Variants in PECR observed in about 807,000 individuals in gnomAD.
The protein encoded by PECR is peroxisomal trans-2-enoyl-CoA reductase.
Under a neutral mutation model 35.3 loss-of-function variants are expected in PECR, and 30 were observed. The observed-to-expected ratio is 0.85, with a 90% CI of 0.64 to 1.15. The LOEUF (loss-of-function observed/expected upper bound fraction) is 1.15. PECR is among the 50% of genes most tolerant of loss of function. The pLI, the probability that PECR is intolerant of heterozygous loss-of-function variation, is 0.00. For synonymous variants in PECR, 148 were observed against 138.9 expected, an observed-to-expected ratio of 1.07 and a Z score of -0.46; for missense variants, 392 against 370.8, an observed-to-expected ratio of 1.06 and a Z score of -0.47.
At chr2:216,036,466 T>A (rs1310126869), downstream of PECR, among the ~76,000 whole-genome samples, 1 of 152,228 alleles carries the variant, frequency 6.6e-6, no homozygotes, top group African/African-American at 2.4e-5. Flanking sequence ...CTATGACTGA[T>A]GCTGGAACTG....
At chr2:216,049,088 C>T (rs1574682799) in intron 6 of PECR, among the ~76,000 whole-genome samples, 175 bp downstream of exon 6, 1 of 152,302 alleles carries the variant, frequency 6.6e-6, no homozygotes, top group East Asian at 1.9e-4. Context: ...GTACAGATTG[C>T]TGTCAGTAGC....
intron 1 of PECR, among the ~76,000 whole-genome samples, chr2:216,073,027 G>A (rs752835795): frequency 1.3e-5 from 2 of 152,174 alleles, no homozygotes; most frequent in Non-Finnish European, 2.9e-5. Context: ...ACTAAAAATG[G>A]TAACAACTTT....
intron 4 of PECR, among the ~76,000 whole-genome samples, chr2:216,055,445 A>T (rs1386678254): frequency 7.1e-6 from 1 of 140,158 alleles, no homozygotes; most frequent in East Asian, 1.9e-4. Flanking sequence ...CTCAAAAAAA[A>T]AAAACAAAAA....
intron 6 of PECR, among the ~76,000 whole-genome samples, chr2:216,046,397 G>A (rs951003731): frequency 3.5e-5 from 5 of 144,350 alleles, no homozygotes; most frequent in East Asian, 2.0e-4. Flanking sequence ...TGCAACCTCC[G>A]TGTCCCGGGT....
In PECR at chr2:216,048,067, C is replaced by CTTTAT. The variant is rs531502433; in HGVS notation, c.714+1191_714+1195dup. On this transcript the variant is annotated intron_variant, in intron 6 of 7. Transcript: ENST00000265322. The stretch of plus-strand genomic sequence containing the variant: ...TGTGGGAAAGACATCCTTTTCTTTT[C>CTTTAT]TTTATTTTATTTTATTTTATTTTTT... Among the ~76,000 whole-genome samples, 756 of 145,396 alleles carry CTTTAT rather than the reference C, an allele frequency of 5.2e-3. 6 individuals are homozygous for CTTTAT. Among genetic ancestry groups the CTTTAT allele is most frequent in the Non-Finnish European group, 6.9e-3 (457 of 66,228 alleles).
At chr2:216,030,574 C>T (rs978243196) in intron 7 of PECR, among the ~76,000 whole-genome samples, 5 of 151,730 alleles carry the variant, frequency 3.3e-5, no homozygotes, top group African/African-American at 9.7e-5. Context: ...GACGGGGTCT[C>T]GCCCTGTCAC....
rs563994051 is a variant in PECR at position 216,066,411 on chromosome 2, G to C, written c.232C>G (p.Gln78Glu). ...TCCTCCTCATTCCGGATGTTGCATT[G>C]TATGGGAATGACTCGTGCCTGCTTT... is the stretch of plus-strand genomic sequence containing the variant. ...PTKQARVIPI[Q>E]CNIRNEEEVN... The change falls in exon 2 of 8, where the codon CAA becomes GAA. Residue 78 changes from glutamine to glutamate, a missense_variant. Gln to Glu is a conservative substitution (Grantham distance 29). Coordinates refer to ENST00000265322, the MANE Select transcript of PECR (RefSeq NM_018441.6). 1 of 1,613,184 alleles carries C rather than the reference G, an allele frequency of 6.2e-7. No individual in the cohort carries two copies. Among genetic ancestry groups the C allele is most frequent in the East Asian group, 2.2e-5 (1 of 44,888 alleles).
intron 3 of PECR, among the ~76,000 whole-genome samples, chr2:216,064,677 C>T (rs1695427885): frequency 6.6e-6 from 1 of 152,164 alleles, no homozygotes; most frequent in South Asian, 2.1e-4. Flanking sequence ...GAGGTTGATT[C>T]TGCTAGTTAG....
chr2:216,062,517 G>A (rs1027275615), intron 3 of PECR, among the ~76,000 whole-genome samples: 1 of 152,082 alleles, frequency 6.6e-6, no homozygotes, highest in Non-Finnish European at 1.5e-5. Context: ...ATTTATATGT[G>A]GATTTTCTTC....
At chr2:216,039,905 G>C (rs1694857937) in intron 7 of PECR, among the ~76,000 whole-genome samples, 1 of 152,176 alleles carries the variant, frequency 6.6e-6, no homozygotes, top group Non-Finnish European at 1.5e-5. Context: ...GGTTGGAAAT[G>C]GACATTTGCA....
intron 1 of PECR, among the ~76,000 whole-genome samples, chr2:216,067,184 T>G (rs1478145636): frequency 1.3e-5 from 2 of 152,012 alleles, no homozygotes; most frequent in Non-Finnish European, 2.9e-5. Context: ...GGCAGTGAGA[T>G]TGCCCAGGGG....
At chr2:216,076,783 A>G (rs908644502) in intron 1 of PECR, among the ~76,000 whole-genome samples, 5 of 151,994 alleles carry the variant, frequency 3.3e-5, no homozygotes, top group African/African-American at 1.2e-4. Context: ...CTGGGCAACA[A>G]AGCAAGATTC....
chr2:216,065,342 G>C lies in PECR; in HGVS notation c.394C>G (p.Leu132Val), dbSNP rs750227644. ...KGWHAVLETN[L>V]TGTFYMCKAV... Reference sequence around the variant, plus strand: ...TTGCACATGTAGAAGGTACCCGTCAGGTTGGTCTCAAGCACAGCGTGCCAT... The same window carrying C: ...TTGCACATGTAGAAGGTACCCGTCACGTTGGTCTCAAGCACAGCGTGCCAT... The change falls in exon 3 of 8, where the codon CTG (leucine) becomes GTG (valine). Residue 132 changes from leucine (L) to valine (V), a missense_variant. Transcript: ENST00000265322. The C allele has an allele frequency of 1.2e-6, 2 of 1,612,202 alleles. No homozygotes were observed. Among genetic ancestry groups the C allele is most frequent in the Admixed American group, 3.3e-5 (2 of 60,016 alleles).
At chr2:216,045,988 C>T (rs532597644) in intron 6 of PECR, among the ~76,000 whole-genome samples, 1 of 152,108 alleles carries the variant, frequency 6.6e-6, no homozygotes, top group Admixed American at 6.5e-5. Context: ...ACCAGCATGG[C>T]CAGCTTAGTG....
At chr2:216,078,239 G>T (rs1695751608) in intron 1 of PECR, among the ~76,000 whole-genome samples, 1 of 152,144 alleles carries the variant, frequency 6.6e-6, no homozygotes, top group South Asian at 2.1e-4. Context: ...CCGAGTTCAA[G>T]ACCAGCCTGG....
At chr2:216,066,940 A>C (rs1695479709) in intron 1 of PECR, among the ~76,000 whole-genome samples, 1 of 152,140 alleles carries the variant, frequency 6.6e-6, no homozygotes, top group African/African-American at 2.4e-5. Context: ...TTTGCCCTCC[A>C]TCCTGAAATA....
In PECR at chr2:216,038,716, T is replaced by C. The variant is rs1256908813; in HGVS notation, c.*559A>G. ...ACCTCTGCTTCCTGGGTTCAAGCGA[T>C]CCTCCTGCCTCAGCCTCCCAAGTAC... On this transcript the variant is annotated 3_prime_UTR_variant, in exon 8 of 8. Coordinates refer to ENST00000265322, the MANE Select transcript of PECR (RefSeq NM_018441.6). 6.4e-6 allele frequency: 1 copy of C among 156,014 alleles called. No homozygotes were observed. Among genetic ancestry groups the C allele is most frequent in the East Asian group, 1.9e-4 (1 of 5,302 alleles). 9.7% of individuals were successfully genotyped at this position (156,014 alleles called of 1,614,324 possible).
At chr2:216,064,383 A>G (rs1423430839) in intron 3 of PECR, among the ~76,000 whole-genome samples, 1 of 152,190 alleles carries the variant, frequency 6.6e-6, no homozygotes, top group Middle Eastern at 3.2e-3. Flanking sequence ...GTGCCCATAA[A>G]AGGAATGGGT....
downstream of PECR, among the ~76,000 whole-genome samples, chr2:216,034,598 T>C (rs1034745617): frequency 6.6e-6 from 1 of 151,964 alleles, no homozygotes; most frequent in East Asian, 1.9e-4. Flanking sequence ...AGTGGCCCCG[T>C]GATGGTGGAG....
Sources: gnomAD v4.1 joint callset for allele counts (sites outside exome capture counted in the v4.1 genomes callset) on GRCh38, gnomAD v4.1.1 for gene constraint, MANE v1.5 for transcripts, NCBI Gene and HGNC (gene_info 2026-07-23, HGNC 2026-07-21) for gene names.